Variants in CLTA observed in about 807,000 individuals in gnomAD.
CLTA encodes clathrin light chain A.
A neutral mutation model predicts 26.9 loss-of-function variants in CLTA; 9 were observed. That is an observed-to-expected ratio of 0.33 (90% CI 0.20 to 0.58). The LOEUF is 0.58. Ranked by LOEUF, CLTA falls within the 20% of genes least tolerant of loss-of-function variation. The probability of loss-of-function intolerance (pLI) is 0.85; values close to 1 mark genes in which losing one functional copy is unlikely to be tolerated. For missense variants in CLTA, 278 were observed against 294.2 expected (o/e 0.94, Z 0.40); for synonymous variants, 120 against 115.5 (o/e 1.04, Z -0.25).
intron 3 of CLTA, among the ~76,000 whole-genome samples, chr9:36,200,522 G>A (rs1827346095): frequency 6.6e-6 from 1 of 152,166 alleles, no homozygotes; most frequent in African/African-American, 2.4e-5. Context: ...TTTTTCAGAT[G>A]GGATAACTGA....
At chr9:36,195,370 TAGAG>T (rs1217625664) in intron 1 of CLTA, among the ~76,000 whole-genome samples, 1 of 152,130 alleles carries the variant, frequency 6.6e-6, no homozygotes, top group Non-Finnish European at 1.5e-5. Flanking sequence ...ATTTGACTAT[TAGAG>T]AGCAAATACT....
chr9:36,191,092 C>A lies in CLTA; in HGVS notation c.36C>A (p.Gly12=). Residue 12 remains glycine (G), a synonymous_variant, in exon 1 of 5, where the codon GGC becomes GGA. Transcript: ENST00000345519. The part of the protein sequence containing the change: ...AELDPFGAPA[G]APGGPALGNG... ...TGGATCCGTTCGGCGCCCCTGCCGG[C>A]GCCCCTGGCGGTCCCGCGCTGGGGA... 1.3e-6 allele frequency: 2 copies of A among 1,588,700 alleles called. No individual in the cohort carries two copies. The highest frequency in any genetic ancestry group is 1.7e-6 in the Non-Finnish European group (2 of 1,173,312).
chr9:36,210,024 C>T (rs1024122646), intron 4 of CLTA, among the ~76,000 whole-genome samples: 2 of 152,154 alleles, frequency 1.3e-5, no homozygotes, highest in African/African-American at 4.8e-5. Flanking sequence ...GCCACTTGGG[C>T]TTCTCCCCCT....
intron 1 of CLTA, among the ~76,000 whole-genome samples, chr9:36,196,342 C>CTTTTTTTTTT (rs372357204): frequency 1.4e-4 from 19 of 135,140 alleles, no homozygotes; most frequent in South Asian, 4.7e-4. Context: ...TTTCTTTTTT[C>CTTTTTTTTTT]TTTTTTTTTT....
intron 1 of CLTA, among the ~76,000 whole-genome samples, chr9:36,195,849 TC>T (rs374792704): frequency 1.5e-3 from 221 of 152,176 alleles, no homozygotes; most frequent in African/African-American, 5.1e-3. Context: ...GTGCCTGTAA[TC>T]CCAGCTATTC....
chr9:36,200,843 G>A (rs2132896217), intron 3 of CLTA, among the ~76,000 whole-genome samples: 1 of 152,272 alleles, frequency 6.6e-6, no homozygotes, highest in South Asian at 2.1e-4. Flanking sequence ...GCCACATGTA[G>A]CTAGTAGCTA....
At chr9:36,211,236 C>T (rs1197916559) in intron 4 of CLTA, among the ~76,000 whole-genome samples, 1 of 152,132 alleles carries the variant, frequency 6.6e-6, no homozygotes, top group Non-Finnish European at 1.5e-5. Context: ...TCAGTACAGC[C>T]CAGCATAAAC....
At chr9:36,194,879 T>C (rs1342680189) in intron 1 of CLTA, among the ~76,000 whole-genome samples, 1 of 152,198 alleles carries the variant, frequency 6.6e-6, no homozygotes, top group Non-Finnish European at 1.5e-5. Context: ...AGTGCAGTAA[T>C]ACAGTAACTA....
chr9:36,192,878 A>G (rs1826815617), intron 1 of CLTA, among the ~76,000 whole-genome samples: 1 of 152,242 alleles, frequency 6.6e-6, no homozygotes, highest in Admixed American at 6.5e-5. Flanking sequence ...TGGGAGAAGC[A>G]GAACCCAAGA....
intron 1 of CLTA, among the ~76,000 whole-genome samples, chr9:36,193,094 G>T (rs1826831416): frequency 6.6e-6 from 1 of 152,214 alleles, no homozygotes; most frequent in Non-Finnish European, 1.5e-5. Flanking sequence ...AATAGAGTTG[G>T]ATGCTCGGTC....
At chr9:36,211,158 G>T (rs1233404435) in intron 4 of CLTA, among the ~76,000 whole-genome samples, 2 of 152,196 alleles carry the variant, frequency 1.3e-5, no homozygotes, top group Non-Finnish European at 2.9e-5. Flanking sequence ...CCAGCCTTAG[G>T]AATAAATCTA....
intron 1 of CLTA, among the ~76,000 whole-genome samples, chr9:36,194,487 T>A (rs1300344764): frequency 6.6e-6 from 1 of 152,228 alleles, no homozygotes; most frequent in African/African-American, 2.4e-5. Context: ...AGGTACACTT[T>A]CAGATCCCAG....
chr9:36,205,987 C>T (rs1322030621), intron 4 of CLTA, among the ~76,000 whole-genome samples: 1 of 152,100 alleles, frequency 6.6e-6, no homozygotes, highest in African/African-American at 2.4e-5. Flanking sequence ...GTCTCGATCT[C>T]CTGACCTCGT....
intron 4 of CLTA, among the ~76,000 whole-genome samples, chr9:36,209,798 A>C (rs999022586): frequency 6.6e-6 from 1 of 152,170 alleles, no homozygotes; most frequent in African/African-American, 2.4e-5. Flanking sequence ...CATTTTCCAT[A>C]CTTGGTTCAT....
intron 1 of CLTA, 104 bp from the exon 2 acceptor site, chr9:36,197,447 A>T (rs1827122170): frequency 1.4e-6 from 1 of 703,546 alleles, no homozygotes; most frequent in Non-Finnish European, 2.5e-6. Context: ...AGCATTTAGT[A>T]GCTCAAGGTT....
At chr9:36,210,546 C>T (rs1827982159) in intron 4 of CLTA, 3 of 1,607,712 alleles carry the variant, frequency 1.9e-6, no homozygotes, top group Non-Finnish European at 1.7e-6. Context: ...GCTTACTGAC[C>T]ATCTGCATTG....
chr9:36,210,319 G>T (rs1239753658), intron 4 of CLTA, among the ~76,000 whole-genome samples: 1 of 152,174 alleles, frequency 6.6e-6, no homozygotes, highest in East Asian at 1.9e-4. Flanking sequence ...CATCCCCTTA[G>T]AAGATAGAAC....
chr9:36,191,103 G>T lies in CLTA; in HGVS notation c.47G>T (p.Gly16Val). The change falls in exon 1 of 5, where the codon GGT (glycine) becomes GTT (valine). Residue 16 changes from glycine to valine, a missense_variant. By Grantham distance (109) the Gly-to-Val change is moderately radical. Coordinates refer to ENST00000345519, the MANE Select transcript of CLTA (RefSeq NM_001833.4). ...PFGAPAGAPG[G>V]PALGNGVAGA... The stretch of plus-strand genomic sequence containing the variant: ...GGCGCCCCTGCCGGCGCCCCTGGCG[G>T]TCCCGCGCTGGGGAACGGAGTGGCC... The T allele has an allele frequency of 6.3e-7, 1 of 1,597,016 alleles. No homozygotes were observed. Among genetic ancestry groups the T allele is most frequent in the Non-Finnish European group, 8.5e-7 (1 of 1,175,612 alleles).
chr9:36,193,022 AG>A (rs1826824486), intron 1 of CLTA, among the ~76,000 whole-genome samples: 1 of 152,250 alleles, frequency 6.6e-6, no homozygotes, highest in African/African-American at 2.4e-5. Context: ...GTCAGATCCA[AG>A]GGTCCTATGT....
Sources: gnomAD v4.1 joint callset for allele counts (sites outside exome capture counted in the v4.1 genomes callset) on GRCh38, gnomAD v4.1.1 for gene constraint, MANE v1.5 for transcripts, NCBI Gene and HGNC (gene_info 2026-07-23, HGNC 2026-07-21) for gene names.